Variants in WDR64 observed in about 807,000 individuals in gnomAD.
WDR64 encodes WD repeat-containing protein 64.
A neutral mutation model predicts 139.3 loss-of-function variants in WDR64; 112 were observed. The ratio of observed to expected loss-of-function variants is 0.80; its 90% CI spans 0.69 to 0.94. WDR64 has a LOEUF of 0.94. Ranked by LOEUF, WDR64 falls within the 40% of genes least tolerant of loss-of-function variation. WDR64 has a pLI of 0.00. For missense variants in WDR64, 1,206 were observed against 1,293.1 expected, an observed-to-expected ratio of 0.93 and a Z score of 1.03; for synonymous variants, 444 against 437.7, an observed-to-expected ratio of 1.01 and a Z score of -0.18.
At chr1:241,684,853 G>T (rs1666948209) in intron 7 of WDR64, among the ~76,000 whole-genome samples, 1 of 152,156 alleles carries the variant, frequency 6.6e-6, no homozygotes, top group Non-Finnish European at 1.5e-5. Context: ...CGCCTCCCGG[G>T]TTCAAGCGAT....
chr1:241,701,278 GCA>G (rs71797604), intron 8 of WDR64, among the ~76,000 whole-genome samples: 1 of 150,890 alleles, frequency 6.6e-6, no homozygotes, highest in Non-Finnish European at 1.5e-5. Context: ...GCACATGCGC[GCA>G]CACACACACA....
At position 241,784,976 on chromosome 1, in the gene WDR64, A is replaced by AAAAAAAAAAAAAAAAAAAAG. The variant is rs138513526; in HGVS notation, c.2705+1595_2705+1596insAAAAAAAAAAAAAAAAAAAG. ...CTGAAAAAAAAAAAAAAAAAAAAAA[A>AAAAAAAAAAAAAAAAAAAAG]GAAAGGACATCTGCTGTTTTATTTG... is the stretch of plus-strand genomic sequence containing the variant. On this transcript the variant is annotated intron_variant, in intron 23 of 27. Coordinates refer to ENST00000437684, the MANE Select transcript of WDR64 (RefSeq NM_001367482.1). 6.3e-3 allele frequency among the ~76,000 whole-genome samples: 621 copies of AAAAAAAAAAAAAAAAAAAAG among 98,360 alleles called. 105 individuals carry two copies. The highest frequency in any genetic ancestry group is 0.011 in the South Asian group (30 of 2,736). 64.5% of individuals were successfully genotyped at this position (98,360 alleles called of 152,430 possible). A position where few individuals can be genotyped will look rare whatever the true frequency, so the allele number is the denominator to read the frequency against.
At chr1:241,746,942 T>C (rs1036483589) in intron 13 of WDR64, among the ~76,000 whole-genome samples, 1 of 152,134 alleles carries the variant, frequency 6.6e-6, no homozygotes, top group African/African-American at 2.4e-5. Context: ...GTATTTTTAG[T>C]AGAGACAGGG....
intron 9 of WDR64, among the ~76,000 whole-genome samples, chr1:241,716,551 C>G (rs1172678144): frequency 6.6e-6 from 1 of 151,918 alleles, no homozygotes; most frequent in Non-Finnish European, 1.5e-5. Context: ...GGCTATTAAC[C>G]TTATAAAGGT....
In WDR64 at chr1:241,774,078, T is replaced by C. The variant is rs929192212; in HGVS notation, c.2431-1027T>C. 6.6e-5 allele frequency among the ~76,000 whole-genome samples: 10 copies of C among 152,286 alleles called. No homozygotes were observed. The East Asian group carries it at 1.7e-3, about 26-fold the overall frequency. On this transcript the variant is annotated intron_variant, in intron 20 of 27. Coordinates refer to ENST00000437684, the MANE Select transcript of WDR64 (RefSeq NM_001367482.1). The stretch of plus-strand genomic sequence containing the variant: ...AGGGTGGAATTAAGAGGACAGAAGA[T>C]GATGAAAGGAAGGATCTTGAGTAGC...
intron 8 of WDR64, among the ~76,000 whole-genome samples, chr1:241,695,309 G>T (rs1004732619): frequency 3.3e-5 from 5 of 152,032 alleles, no homozygotes; most frequent in Non-Finnish European, 5.9e-5. Flanking sequence ...GTACAATGGC[G>T]CACAACTATA....
At chr1:241,760,910 C>T (rs751408884) in intron 15 of WDR64, among the ~76,000 whole-genome samples, 5 of 151,742 alleles carry the variant, frequency 3.3e-5, no homozygotes, top group African/African-American at 1.2e-4. Context: ...GGATTACAGG[C>T]GCCCACCACC....
intron 8 of WDR64, among the ~76,000 whole-genome samples, chr1:241,698,272 T>C (rs543971245): frequency 2.0e-5 from 3 of 152,272 alleles, no homozygotes; most frequent in South Asian, 4.1e-4. Context: ...ATGATTCTCT[T>C]TTCTTCCTTG....
Position 241,703,059 on chromosome 1 carries a change from G to A in WDR64, c.975-8743G>A, listed in dbSNP as rs1169811683. Reference sequence around the variant, plus strand: ...AGAGTTAGGGCCACTTTTTAAAAATGCCTTACCTGAGGCATTCTGAAATTT... The same window carrying A: ...AGAGTTAGGGCCACTTTTTAAAAATACCTTACCTGAGGCATTCTGAAATTT... On this transcript the variant is annotated intron_variant, in intron 8 of 27. Coordinates refer to ENST00000437684, the MANE Select transcript of WDR64 (RefSeq NM_001367482.1). The surrounding 1 kb of genome is among the most constrained non-coding windows in gnomAD (Gnocchi z 5.9). 6.6e-6 allele frequency among the ~76,000 whole-genome samples: 1 copy of A among 152,098 alleles called. No homozygotes were observed. The highest frequency in any genetic ancestry group is 1.5e-5 in the Non-Finnish European group (1 of 68,006).
intron 16 of WDR64, among the ~76,000 whole-genome samples, chr1:241,766,878 G>C (rs1658199965): frequency 6.6e-6 from 1 of 152,162 alleles, no homozygotes; most frequent in Admixed American, 6.5e-5. Context: ...CAAGAGCTTT[G>C]ATCTTTACTA....
rs573644514 is a variant in WDR64 at position 241,698,720 on chromosome 1, T to C, written c.974+11125T>C. Among the ~76,000 whole-genome samples the C allele has an allele frequency of 3.9e-5, 6 of 152,286 alleles. 1 individual carries two copies. In the South Asian group the frequency reaches 1.2e-3, roughly 32 times the overall value. On this transcript the variant is annotated intron_variant, in intron 8 of 27. Coordinates refer to ENST00000437684, the MANE Select transcript of WDR64 (RefSeq NM_001367482.1). Reference sequence around the variant, plus strand: ...TTCTGTCCCCCAACCTCCAGAAATCTTTAAGGATCAGATGGTACCTACTCC... The same window carrying C: ...TTCTGTCCCCCAACCTCCAGAAATCCTTAAGGATCAGATGGTACCTACTCC...
chr1:241,680,677 C>T (rs1406230186), intron 6 of WDR64, among the ~76,000 whole-genome samples: 6 of 152,172 alleles, frequency 3.9e-5, no homozygotes, highest in Admixed American at 3.3e-4. Flanking sequence ...GATCTTTGTC[C>T]TTCAACCTGG....
intron 9 of WDR64, 69 bp downstream of exon 9, chr1:241,711,950 G>T: frequency 6.8e-7 from 1 of 1,471,546 alleles, no homozygotes; most frequent in South Asian, 1.2e-5. Context: ...GAGTTTTGGT[G>T]CTAGGAAGAA....
At chr1:241,783,905 T>TCA (rs930905864) in intron 23 of WDR64, among the ~76,000 whole-genome samples, 24 of 152,198 alleles carry the variant, frequency 1.6e-4, no homozygotes, top group African/African-American at 5.8e-4. Context: ...AAAGGAAATG[T>TCA]CATGGCATTT....
rs550767816 is a variant in WDR64, at chr1:241,700,211, G to A, written c.975-11591G>A. 2.1e-5 allele frequency among the ~76,000 whole-genome samples: 3 copies of A among 146,060 alleles called. No individual in the cohort carries two copies. The South Asian group carries it at 6.8e-4, about 33-fold the overall frequency. ...ACATATTTATTGCGTACCTATTTTA[G>A]ACCAAAAACAGATTCCTCCCTCTCC... On this transcript the variant is annotated intron_variant, in intron 8 of 27. Transcript: ENST00000437684.
At position 241,795,374 on chromosome 1, in the gene WDR64, T is replaced by C. The variant is rs2148332818; in HGVS notation, c.3078+87T>C. 7 of 1,230,666 alleles carry C rather than the reference T, an allele frequency of 5.7e-6. No individual in the cohort carries two copies. In the South Asian group the frequency reaches 9.8e-5, roughly 17 times the overall value. The allele number at this position is 1,230,666 out of a possible 1,614,324, so 76.2% of individuals were successfully genotyped here. ...CCTGACCCTGGGCTACCAAGCAAGG[T>C]TGGAGAAAATCATACAGTCAGTTGG... On this transcript the variant is annotated intron_variant, in intron 26 of 27. Transcript: ENST00000437684.
chr1:241,704,193 A>G (rs1045052437), intron 8 of WDR64, among the ~76,000 whole-genome samples: 2 of 152,146 alleles, frequency 1.3e-5, no homozygotes, highest in African/African-American at 4.8e-5. Flanking sequence ...GGCCAAGAGG[A>G]CAGTCTCCTT....
intron 2 of WDR64, among the ~76,000 whole-genome samples, chr1:241,666,278 G>A (rs1163387695): frequency 2.6e-5 from 4 of 152,258 alleles, no homozygotes; most frequent in East Asian, 1.9e-4. Context: ...CAGGAGAAAC[G>A]GGTATTTGCT....
chr1:241,678,204 C>T lies in WDR64; in HGVS notation c.501C>T (p.Ser167=), dbSNP rs529072942. ...GTTCATAGATGAGAGTTCAGACCAG[C>T]ACCAATGTTACAGTAAGTACACTTT... The part of the protein sequence containing the change: ...VFNNQMRVQT[S]TNVTDTSWIT... Residue 167 remains serine, a synonymous_variant, in exon 5 of 28, where the codon AGC becomes AGT. Coordinates refer to ENST00000437684, the MANE Select transcript of WDR64 (RefSeq NM_001367482.1). The T allele has an allele frequency of 2.5e-6, 1 of 398,896 alleles. No homozygotes were observed. The highest frequency in any genetic ancestry group is 1.3e-4 in the South Asian group (1 of 7,854). 24.7% of individuals were successfully genotyped at this position (398,896 alleles called of 1,614,324 possible). A position where few individuals can be genotyped will look rare whatever the true frequency, so the allele number is the denominator to read the frequency against.
Sources: allele counts gnomAD v4.1 joint callset (sites outside exome capture counted in the v4.1 genomes callset), GRCh38; gene constraint gnomAD v4.1.1; non-coding constraint Gnocchi (gnomAD v3.1); transcripts MANE v1.5; gene names NCBI Gene and HGNC (gene_info 2026-07-23, HGNC 2026-07-21).